Variants in OLFM3 observed in about 807,000 individuals in gnomAD.
The protein encoded by OLFM3 is olfactomedin 3.
A neutral mutation model predicts 48.6 loss-of-function variants in OLFM3; 20 were observed. The ratio of observed to expected loss-of-function variants is 0.41; its 90% CI spans 0.29 to 0.60. The LOEUF (loss-of-function observed/expected upper bound fraction) is 0.60, where lower values mean the gene tolerates loss of function less well. Ranked by LOEUF, OLFM3 falls within the 20% of genes least tolerant of loss-of-function variation. The pLI, the probability that OLFM3 is intolerant of heterozygous loss-of-function variation, is 0.28. For missense variants in OLFM3, 437 were observed against 544.3 expected, an observed-to-expected ratio of 0.80 and a Z score of 1.96; for synonymous variants, 222 against 198.1, an observed-to-expected ratio of 1.12 and a Z score of -1.01.
At chr1:101,827,189 A>G (rs1654902194) in intron 3 of OLFM3, among the ~76,000 whole-genome samples, 1 of 152,248 alleles carries the variant, frequency 6.6e-6, no homozygotes, top group African/African-American at 2.4e-5. Flanking sequence ...TAGAGCCAAC[A>G]TCAATCTCTT....
intron 1 of OLFM3, among the ~76,000 whole-genome samples, chr1:101,854,614 G>A (rs1656345989): frequency 6.6e-6 from 1 of 152,170 alleles, no homozygotes; most frequent in East Asian, 1.9e-4. Context: ...ATGCAGAGTG[G>A]TGTGACAGAA....
chr1:101,868,599 T>C (rs1293502025), intron 1 of OLFM3, among the ~76,000 whole-genome samples: 1 of 152,160 alleles, frequency 6.6e-6, no homozygotes, highest in Non-Finnish European at 1.5e-5. Flanking sequence ...GAAAACCCCA[T>C]TTTCTAGAGA....
chr1:101,825,073 C>A lies in OLFM3; in HGVS notation c.545G>T (p.Arg182Ile), dbSNP rs763471475. The change falls in exon 4 of 6, where the codon AGA becomes ATA. Residue 182 changes from arginine to isoleucine, a missense_variant. Physicochemically the swap from Arg to Ile is moderately conservative, Grantham distance 97. Transcript: ENST00000370103. ...AAGTCTTGTTTCCAAGCTCAGCACT[C>A]TTTGGTGTAGTTCCTCGTAGTCATA... is the stretch of plus-strand genomic sequence containing the variant. ...GAYDYEELHQ[R>I]VLSLETRLRD... The A allele has an allele frequency of 2.5e-6, 4 of 1,614,036 alleles. No homozygotes were observed. Among genetic ancestry groups the A allele is most frequent in the Non-Finnish European group, 3.4e-6 (4 of 1,179,984 alleles).
chr1:101,852,910 A>G (rs1570563763), intron 1 of OLFM3, among the ~76,000 whole-genome samples: 1 of 152,066 alleles, frequency 6.6e-6, no homozygotes, highest in Non-Finnish European at 1.5e-5. Context: ...AGTATTTTGT[A>G]CCATCCCAGC....
chr1:101,803,072 A>G lies in OLFM3; in HGVS notation c.*1166T>C, dbSNP rs1345385376. 6.6e-6 allele frequency: 1 copy of G among 151,838 alleles called. No homozygotes were observed. Among genetic ancestry groups the G allele is most frequent in the Non-Finnish European group, 1.5e-5 (1 of 67,648 alleles). The allele number at this position is 151,838 out of a possible 1,614,324, so 9.4% of individuals were successfully genotyped here. A position where few individuals can be genotyped will look rare whatever the true frequency, so the allele number is the denominator to read the frequency against. ...TTACACTTTTGAAACCACAAAGACA[A>G]CTCCCAAGTCTCCCCATATTTTATT... On this transcript the variant is annotated 3_prime_UTR_variant, in exon 6 of 6. Coordinates refer to ENST00000370103, the MANE Select transcript of OLFM3 (RefSeq NM_058170.4).
At chr1:101,963,903 T>G (rs944849903) in intron 1 of OLFM3, among the ~76,000 whole-genome samples, 4 of 152,182 alleles carry the variant, frequency 2.6e-5, no homozygotes, top group Admixed American at 2.6e-4. Flanking sequence ...GATTTACAAA[T>G]GAGTCTTTTC....
intron 1 of OLFM3, among the ~76,000 whole-genome samples, chr1:101,882,316 C>CAT (rs1177975157): frequency 1.7e-3 from 195 of 115,018 alleles, no homozygotes; most frequent in South Asian, 7.1e-3. Flanking sequence ...AATATAAGTG[C>CAT]ATATATATAT....
intron 1 of OLFM3, among the ~76,000 whole-genome samples, chr1:101,990,062 A>T (rs1340107368): frequency 1.3e-5 from 2 of 152,146 alleles, no homozygotes; most frequent in African/African-American, 4.8e-5. Flanking sequence ...CCCCTATGTG[A>T]TCTCTTCTCC....
At chr1:101,881,861 A>C (rs116772891) in intron 1 of OLFM3, among the ~76,000 whole-genome samples, 1,538 of 151,006 alleles carry the variant, frequency 0.01, 37 homozygotes, top group African/African-American at 0.035. Flanking sequence ...TTCTTTCTTT[A>C]TTTATTTATT....
chr1:101,873,205 A>G (rs1000611038), intron 1 of OLFM3, among the ~76,000 whole-genome samples: 2 of 151,880 alleles, frequency 1.3e-5, no homozygotes, highest in Non-Finnish European at 2.9e-5. Flanking sequence ...GTGTCCCTTT[A>G]CATTGCTTCC....
At chr1:101,812,822 G>A (rs1394266566) in intron 4 of OLFM3, 12 of 992,234 alleles carry the variant, frequency 1.2e-5, no homozygotes, top group Non-Finnish European at 1.4e-5. Context: ...CTTTTATTTT[G>A]TACCTGGTTT....
intron 4 of OLFM3, among the ~76,000 whole-genome samples, chr1:101,820,209 T>C (rs1306801792): frequency 6.6e-6 from 1 of 152,116 alleles, no homozygotes; most frequent in East Asian, 1.9e-4. Flanking sequence ...ACCTTAAGTT[T>C]CTAATCTTCC....
chr1:101,925,553 C>T (rs1303581668), intron 1 of OLFM3, among the ~76,000 whole-genome samples: 1 of 151,944 alleles, frequency 6.6e-6, no homozygotes, highest in Non-Finnish European at 1.5e-5. Flanking sequence ...GGATCTTGCT[C>T]TGTCACCCAG....
intron 1 of OLFM3, among the ~76,000 whole-genome samples, chr1:101,994,376 CTG>C (rs1412127199): frequency 6.6e-6 from 1 of 150,866 alleles, no homozygotes; most frequent in Admixed American, 6.6e-5. Context: ...TGTCCAAAAA[CTG>C]TATTTTTTGT....
At chr1:101,825,744 C>A (rs1293649593) in intron 3 of OLFM3, among the ~76,000 whole-genome samples, 2 of 152,158 alleles carry the variant, frequency 1.3e-5, no homozygotes, top group Non-Finnish European at 2.9e-5. Flanking sequence ...ATTGTGGACT[C>A]TGGATCAGCT....
rs1657620146 is a variant in OLFM3 at position 101,883,509 on chromosome 1, AGAATCCGTTCCTTCC to A, written c.70-46499_70-46485del. Among the ~76,000 whole-genome samples, 4 of 151,982 alleles carry A rather than the reference AGAATCCGTTCCTTCC, an allele frequency of 2.6e-5. No homozygotes were observed. In the South Asian group the frequency reaches 8.3e-4, roughly 31 times the overall value. On this transcript the variant is annotated intron_variant, in intron 1 of 5. Transcript: ENST00000370103. Reference sequence around the variant, plus strand: ...AGGAGTACCTCCTATTGTATATTTCAGAATCCGTTCCTTCCTTACCAATGTGTGTCTGTGACATAC... The same window carrying A: ...AGGAGTACCTCCTATTGTATATTTCATTACCAATGTGTGTCTGTGACATAC...
At chr1:101,981,782 ACATACCAACC>A (rs1277425690) in intron 1 of OLFM3, among the ~76,000 whole-genome samples, 1 of 152,190 alleles carries the variant, frequency 6.6e-6, no homozygotes, top group Non-Finnish European at 1.5e-5. Context: ...GCTAATGTCA[ACATACCAACC>A]CATTACACAT....
At chr1:101,857,190 A>G (rs1213620614) in intron 1 of OLFM3, among the ~76,000 whole-genome samples, 1 of 151,992 alleles carries the variant, frequency 6.6e-6, no homozygotes, top group African/African-American at 2.4e-5. Context: ...TTAATAAAAT[A>G]AAGTAGTGAT....
chr1:101,854,633 C>CT (rs1325028561), intron 1 of OLFM3, among the ~76,000 whole-genome samples: 3 of 152,124 alleles, frequency 2.0e-5, no homozygotes, highest in Non-Finnish European at 4.4e-5. Context: ...AAACCTTCAG[C>CT]TTAGTCACTA....
Sources: gnomAD v4.1 joint callset for allele counts (sites outside exome capture counted in the v4.1 genomes callset) on GRCh38, gnomAD v4.1.1 for gene constraint, MANE v1.5 for transcripts, NCBI Gene and HGNC (gene_info 2026-07-23, HGNC 2026-07-21) for gene names.